The following TCF7L1 variants were observed in gnomAD, a reference collection of about 807,000 sequenced individuals.
TCF7L1 encodes the protein transcription factor 7 like 1.
A neutral mutation model predicts 63.7 loss-of-function variants in TCF7L1; 18 were observed. That is an observed-to-expected ratio of 0.28 (90% CI 0.20 to 0.42). The LOEUF (loss-of-function observed/expected upper bound fraction) is 0.42, where lower values mean the gene tolerates loss of function less well. TCF7L1 is among the 10% of genes least tolerant of loss of function. The probability of loss-of-function intolerance (pLI) is 1.00; values close to 1 mark genes in which losing one functional copy is unlikely to be tolerated. For synonymous variants in TCF7L1, 355 were observed against 340.9 expected (o/e 1.04, Z -0.46); for missense variants, 654 against 779.3 (o/e 0.84, Z 1.91).
chr2:85,299,450 G>A (rs982161452), intron 4 of TCF7L1, among the ~76,000 whole-genome samples: 1 of 151,784 alleles, frequency 6.6e-6, no homozygotes, highest in African/African-American at 2.4e-5. Context: ...TACTTGGGAG[G>A]TTGAGGCAGG....
At chr2:85,296,173 C>T (rs1193224834) in intron 4 of TCF7L1, among the ~76,000 whole-genome samples, 2 of 152,186 alleles carry the variant, frequency 1.3e-5, no homozygotes, top group Non-Finnish European at 2.9e-5. Flanking sequence ...ATGTGTTTCT[C>T]CTGGTCCCAG....
At chr2:85,197,686 C>G (rs1290752785) in intron 3 of TCF7L1, among the ~76,000 whole-genome samples, 1 of 152,210 alleles carries the variant, frequency 6.6e-6, no homozygotes, top group East Asian at 1.9e-4. Flanking sequence ...GTCACCCTGC[C>G]TTTTAGGATG....
At chr2:85,283,451 G>A (rs766456239) in intron 3 of TCF7L1, 44 bp from the exon 4 acceptor site, 3 of 1,607,434 alleles carry the variant, frequency 1.9e-6, no homozygotes, top group Non-Finnish European at 1.7e-6. Context: ...TACTTGTGAG[G>A]CCTCATCTCA....
chr2:85,275,646 G>T (rs564722598), intron 3 of TCF7L1, among the ~76,000 whole-genome samples: 1 of 152,200 alleles, frequency 6.6e-6, no homozygotes, highest in East Asian at 1.9e-4. Context: ...GGCCAGGTGC[G>T]GTGGCTCACC....
intron 4 of TCF7L1, among the ~76,000 whole-genome samples, chr2:85,288,864 C>T (rs1328691817): frequency 6.6e-6 from 1 of 152,128 alleles, no homozygotes. Flanking sequence ...CTCCAGTGTC[C>T]CCCAGGAGCA....
chr2:85,158,857 C>T (rs1420740588), intron 3 of TCF7L1, among the ~76,000 whole-genome samples: 8 of 152,208 alleles, frequency 5.3e-5, no homozygotes. Flanking sequence ...CCTGGTACTG[C>T]CACAAGCTGG....
intron 11 of TCF7L1, 46 bp downstream of exon 11, chr2:85,307,763 A>G: frequency 2.6e-6 from 4 of 1,552,566 alleles, no homozygotes; most frequent in Non-Finnish European, 3.6e-6. Flanking sequence ...TCCTTTTGTC[A>G]CAGCCACACC....
At chr2:85,209,091 A>T (rs1679484851) in intron 3 of TCF7L1, among the ~76,000 whole-genome samples, 1 of 152,254 alleles carries the variant, frequency 6.6e-6, no homozygotes, top group Non-Finnish European at 1.5e-5. Flanking sequence ...GACGAATGTT[A>T]CATATCCAGT....
At chr2:85,201,961 ATTTAT>A (rs1228370734) in intron 3 of TCF7L1, among the ~76,000 whole-genome samples, 1 of 83,102 alleles carries the variant, frequency 1.2e-5, no homozygotes, top group Non-Finnish European at 2.5e-5. Context: ...TTATTTATTT[ATTTAT>A]TTTATTTTAT....
At position 85,134,250 on chromosome 2, in the gene TCF7L1, G is replaced by T. The variant is rs1350529699; in HGVS notation, c.314-73G>T. The T allele has an allele frequency of 2.7e-6, 4 of 1,484,670 alleles. No individual in the cohort carries two copies. Among genetic ancestry groups the T allele is most frequent in the East Asian group, 2.5e-5 (1 of 39,622 alleles). The allele number at this position is 1,484,670 out of a possible 1,614,324, so 92.0% of individuals were successfully genotyped here. A position where few individuals can be genotyped will look rare whatever the true frequency, so the allele number is the denominator to read the frequency against. On this transcript the variant is annotated intron_variant, in intron 2 of 11. Coordinates refer to ENST00000282111, the MANE Select transcript of TCF7L1 (RefSeq NM_031283.3). The surrounding 1 kb of genome is among the most constrained non-coding windows in gnomAD (Gnocchi z 5.0). ...GGGGGCGCTGGGGTCCCCAGCTCCC[G>T]CCTCGAGCCCCCTGCCGCGGCGCTG... is the stretch of plus-strand genomic sequence containing the variant.
intron 3 of TCF7L1, among the ~76,000 whole-genome samples, chr2:85,148,816 C>T (rs1023266236): frequency 2.3e-4 from 32 of 136,572 alleles, no homozygotes; most frequent in African/African-American, 7.4e-4. Flanking sequence ...CTCTTTTGTC[C>T]GGGCTGAAGT....
At chr2:85,292,002 T>G (rs1196531990) in intron 4 of TCF7L1, among the ~76,000 whole-genome samples, 1 of 5,304 alleles carries the variant, frequency 1.9e-4, no homozygotes, top group Middle Eastern at 0.083. Flanking sequence ...TATTTTTTTT[T>G]TTTTTTTTTT....
chr2:85,173,854 G>A (rs2583542), intron 3 of TCF7L1, among the ~76,000 whole-genome samples: 31,396 of 151,654 alleles, frequency 0.21, 4,070 homozygotes, highest in Non-Finnish European at 0.29. Context: ...CTCCTGCCTC[G>A]GCCTCCTGAG....
At chr2:85,253,061 A>G (rs1025140502) in intron 3 of TCF7L1, among the ~76,000 whole-genome samples, 9 of 152,232 alleles carry the variant, frequency 5.9e-5, no homozygotes, top group Admixed American at 3.3e-4. Flanking sequence ...CCATTTCTGT[A>G]AAAATGAGGT....
chr2:85,302,142 A>G (rs1363664239), intron 4 of TCF7L1, among the ~76,000 whole-genome samples: 1 of 151,946 alleles, frequency 6.6e-6, no homozygotes, highest in East Asian at 1.9e-4. Context: ...AACAAAACAA[A>G]ACAAAAAAAA....
chr2:85,308,451 CCCTCCCTCTCT>C (rs1682186820), intron 11 of TCF7L1, among the ~76,000 whole-genome samples: 5 of 78,278 alleles, frequency 6.4e-5, no homozygotes, highest in African/African-American at 3.1e-4. Context: ...CTTTCTCTTT[CCCTCCCTCTCT>C]TTCCCTCCCT....
intron 3 of TCF7L1, among the ~76,000 whole-genome samples, chr2:85,139,576 T>C (rs759253821): frequency 6.6e-6 from 1 of 152,190 alleles, no homozygotes; most frequent in Admixed American, 6.5e-5. Context: ...GTCGAAGAAG[T>C]AGGTTTAAAC....
chr2:85,186,070 C>T (rs962959108), intron 3 of TCF7L1, among the ~76,000 whole-genome samples: 6 of 151,152 alleles, frequency 4.0e-5, no homozygotes, highest in Non-Finnish European at 8.8e-5. Flanking sequence ...AGGTTCACTC[C>T]GTTCTCCTGC....
At chr2:85,172,846 G>A (rs908061813) in intron 3 of TCF7L1, among the ~76,000 whole-genome samples, 4 of 151,874 alleles carry the variant, frequency 2.6e-5, no homozygotes, top group East Asian at 1.9e-4. Context: ...CAATTGCAGC[G>A]TCCGCCCCAC....
Sources: gnomAD v4.1 joint callset for allele counts (sites outside exome capture counted in the v4.1 genomes callset) on GRCh38, gnomAD v4.1.1 for gene constraint, Gnocchi (gnomAD v3.1) non-coding constraint, MANE v1.5 for transcripts, NCBI Gene and HGNC (gene_info 2026-07-23, HGNC 2026-07-21) for gene names.